Variants in CNTFR observed in about 807,000 individuals in gnomAD.
CNTFR encodes the protein ciliary neurotrophic factor receptor subunit alpha.
Under a neutral mutation model 40.4 loss-of-function variants are expected in CNTFR, and 12 were observed. The observed-to-expected ratio is 0.30, with a 90% CI of 0.19 to 0.48. CNTFR has a LOEUF of 0.48. Ranked by LOEUF, CNTFR falls within the 20% of genes least tolerant of loss-of-function variation. The probability of loss-of-function intolerance (pLI) is 0.99; values close to 1 mark genes in which losing one functional copy is unlikely to be tolerated. For missense variants in CNTFR, 414 were observed against 506.8 expected, an observed-to-expected ratio of 0.82 and a Z score of 1.76; for synonymous variants, 202 against 209.6, an observed-to-expected ratio of 0.96 and a Z score of 0.31.
intron 4 of CNTFR, 108 bp from the exon 5 acceptor site, chr9:34,558,092 A>G: frequency 1.4e-6 from 1 of 733,298 alleles, no homozygotes; most frequent in Non-Finnish European, 2.1e-6. Context: ...TCAACCCATC[A>G]TTGATGCCAA....
At chr9:34,575,987 G>GT (rs11432188) in intron 2 of CNTFR, among the ~76,000 whole-genome samples, 17,296 of 151,530 alleles carry the variant, frequency 0.11, 1,220 homozygotes, top group East Asian at 0.3. Context: ...AAACACAGGC[G>GT]TGAGTACGTG....
chr9:34,552,291 G>A lies in CNTFR; in HGVS notation c.988C>T (p.Pro330Ser). ...CCAGGGTCACAGATCTTCGTGGTAG[G>A]TGGGGGTGCCAGGGAGCTGGTGGTG... is the stretch of plus-strand genomic sequence containing the variant. ...TSTTSSLAPP[P>S]TTKICDPGEL... The change falls in exon 9 of 10, where the codon CCT becomes TCT. Residue 330 changes from proline to serine, a missense_variant. Pro to Ser is a moderately conservative substitution (Grantham distance 74, BLOSUM62 -1). Transcript: ENST00000378980. The surrounding 1 kb of genome is among the most constrained non-coding windows in gnomAD (Gnocchi z 5.1). 6.5e-7 allele frequency: 1 copy of A among 1,544,914 alleles called. No individual in the cohort carries two copies. Among genetic ancestry groups the A allele is most frequent in the Non-Finnish European group, 8.7e-7 (1 of 1,147,890 alleles).
In CNTFR at chr9:34,560,647, T is replaced by C. The variant is rs115827495; in HGVS notation, c.320-2663A>G. ...ATGAACTGAACACCGTGTGAGTGCA[T>C]GTTAAAGAGAGTGTGTGAGCAAATG... is the stretch of plus-strand genomic sequence containing the variant. On this transcript the variant is annotated intron_variant, in intron 4 of 9. Coordinates refer to ENST00000378980, the MANE Select transcript of CNTFR (RefSeq NM_147164.3). Among the ~76,000 whole-genome samples the C allele has an allele frequency of 3.0e-3, 456 of 152,322 alleles. 3 individuals carry two copies. Among genetic ancestry groups the C allele is most frequent in the African/African-American group, 0.011 (441 of 41,570 alleles).
chr9:34,573,729 C>T (rs1034274495), intron 2 of CNTFR, among the ~76,000 whole-genome samples: 12 of 152,204 alleles, frequency 7.9e-5, no homozygotes, highest in African/African-American at 2.7e-4. Context: ...GGAGCCTCAT[C>T]TCCTTCACCT....
chr9:34,582,276 C>CAAAAAAAAAAAAA (rs10601840), intron 1 of CNTFR: 8 of 126,544 alleles, frequency 6.3e-5, no homozygotes, highest in African/African-American at 2.5e-4. Context: ...AACCCTATGG[C>CAAAAAAAAAAAAA]AAAAAAAAAA....
chr9:34,552,369 G>A lies in CNTFR; in HGVS notation c.950-40C>T, dbSNP rs758780015. 38 of 1,516,704 alleles carry A rather than the reference G, an allele frequency of 2.5e-5. No individual in the cohort carries two copies. The highest frequency in any genetic ancestry group is 3.7e-5 in the South Asian group (3 of 81,478). The allele number at this position is 1,516,704 out of a possible 1,614,324, so 94.0% of individuals were successfully genotyped here. A position where few individuals can be genotyped will look rare whatever the true frequency, so the allele number is the denominator to read the frequency against. On this transcript the variant is annotated intron_variant, in intron 8 of 9. Coordinates refer to ENST00000378980, the MANE Select transcript of CNTFR (RefSeq NM_147164.3). This position sits in a 1 kb window ranked among gnomAD's most constrained non-coding sequence, Gnocchi z 5.1. ...GGAAACTCAGGGCAAGGCCAGGGCTGGGTCCCATCCAGATCTGGGGGCTCA... is the reference window on the plus strand; with the variant it reads ...GGAAACTCAGGGCAAGGCCAGGGCTAGGTCCCATCCAGATCTGGGGGCTCA...
chr9:34,564,918 G>A (rs1826220430), intron 3 of CNTFR, 86 bp from the exon 4 acceptor site: 1 of 1,157,364 alleles, frequency 8.6e-7, no homozygotes, highest in Non-Finnish European at 1.3e-6. Context: ...ACAAGAGCCT[G>A]TGAGGATGGA....
rs1341764267 is a variant in CNTFR at position 34,552,745 on chromosome 9, C to T, written c.878G>A (p.Trp293Ter). ...GGGCGTAGCGTGGGCGGCTACGCTC[C>T]AGTCACTCCATGTCCCAATCTCATT... ...KDNEIGTWSDWSVAAHATPWT... is the reference protein window; with the variant it reads ...KDNEIGTWSD Residue 293 changes from tryptophan to a stop codon, truncating the protein, a stop_gained, in exon 8 of 10, where the codon TGG becomes TAG. Transcript: ENST00000378980. LOFTEE classifies it high-confidence loss of function. The surrounding 1 kb of genome is among the most constrained non-coding windows in gnomAD (Gnocchi z 5.1). 1 of 1,613,876 alleles carries T rather than the reference C, an allele frequency of 6.2e-7. No individual in the cohort carries two copies. Among genetic ancestry groups the T allele is most frequent in the Non-Finnish European group, 8.5e-7 (1 of 1,179,952 alleles).
intron 3 of CNTFR, among the ~76,000 whole-genome samples, chr9:34,568,639 C>T (rs1344032289): frequency 6.6e-6 from 1 of 152,186 alleles, no homozygotes; most frequent in Non-Finnish European, 1.5e-5. Flanking sequence ...ACTCCCATCC[C>T]ACCTGCCTGT....
At chr9:34,574,826 C>A (rs1326030138) in intron 2 of CNTFR, among the ~76,000 whole-genome samples, 1 of 152,230 alleles carries the variant, frequency 6.6e-6, no homozygotes, top group Non-Finnish European at 1.5e-5. Context: ...TCAGCATGTG[C>A]GTGCCCTGCT....
At position 34,552,969 on chromosome 9, in the gene CNTFR, C is replaced by A; in HGVS notation, c.769-115G>T. On this transcript the variant is annotated intron_variant, in intron 7 of 9. Coordinates refer to ENST00000378980, the MANE Select transcript of CNTFR (RefSeq NM_147164.3). The surrounding 1 kb of genome is among the most constrained non-coding windows in gnomAD (Gnocchi z 5.1). ...AGAGGAGAGTAAAGGGCTCTGGGGG[C>A]AGTGAGGACTTCCCTGAGGAGAAGG... 4 of 934,476 alleles carry A rather than the reference C, an allele frequency of 4.3e-6. No homozygotes were observed. Among genetic ancestry groups the A allele is most frequent in the Non-Finnish European group, 6.5e-6 (4 of 612,294 alleles). 57.9% of individuals were successfully genotyped at this position (934,476 alleles called of 1,614,324 possible). A position where few individuals can be genotyped will look rare whatever the true frequency, so the allele number is the denominator to read the frequency against.
intron 3 of CNTFR, 50 bp from the exon 4 acceptor site, chr9:34,564,882 C>A: frequency 6.5e-7 from 1 of 1,533,874 alleles, no homozygotes; most frequent in Non-Finnish European, 8.9e-7. Flanking sequence ...CAGCCCGGCC[C>A]AGCACCCGCA....
chr9:34,555,141 C>T (rs775779896), intron 7 of CNTFR, among the ~76,000 whole-genome samples: 7 of 152,200 alleles, frequency 4.6e-5, no homozygotes, highest in African/African-American at 1.4e-4. Flanking sequence ...AGCTCGTTAG[C>T]GGGGGAGGGG....
chr9:34,577,221 G>C (rs1240765389), intron 2 of CNTFR, among the ~76,000 whole-genome samples: 2 of 152,218 alleles, frequency 1.3e-5, no homozygotes, highest in Non-Finnish European at 2.9e-5. Flanking sequence ...AGGAAAGATC[G>C]GCAATGCTGC....
At chr9:34,559,947 A>C (rs1355690542) in intron 4 of CNTFR, among the ~76,000 whole-genome samples, 1 of 148,586 alleles carries the variant, frequency 6.7e-6, no homozygotes, top group African/African-American at 2.5e-5. Context: ...CCTCCCCCTC[A>C]CGCCAGTTCC....
At position 34,556,335 on chromosome 9, in the gene CNTFR, AG is replaced by A; in HGVS notation, c.687del (p.Ser230ArgfsTer66). Reference sequence around the variant, plus strand: ...AAAGACTCAGGGTCAGGCCAGGTCGAGGGGGTCTGCCACGTCACCTCCAGCC... The same window carrying A: ...AAAGACTCAGGGTCAGGCCAGGTCGAGGGGTCTGCCACGTCACCTCCAGCC... ...PRRLEVTWQT[P>X]STWPDPESFP... is the part of the protein sequence containing the mutation. On this transcript the variant is annotated frameshift_variant, in exon 7 of 10. Transcript: ENST00000378980. LOFTEE classifies it high-confidence loss of function. The A allele has an allele frequency of 1.2e-6, 2 of 1,613,976 alleles. No homozygotes were observed. Among genetic ancestry groups the A allele is most frequent in the Non-Finnish European group, 1.7e-6 (2 of 1,179,990 alleles).
At chr9:34,581,672 C>T (rs911844107) in intron 1 of CNTFR, among the ~76,000 whole-genome samples, 1 of 152,316 alleles carries the variant, frequency 6.6e-6, no homozygotes, top group South Asian at 2.1e-4. Flanking sequence ...TATGCATTAT[C>T]TTACTTAATC....
chr9:34,571,910 T>C (rs1007181993), intron 2 of CNTFR, among the ~76,000 whole-genome samples: 2 of 151,808 alleles, frequency 1.3e-5, no homozygotes, highest in Non-Finnish European at 2.9e-5. Flanking sequence ...ATGGGGCATA[T>C]AGGAGATGGG....
chr9:34,552,109 G>A lies in CNTFR; in HGVS notation c.*-38C>T. 1 of 1,595,986 alleles carries A rather than the reference G, an allele frequency of 6.3e-7. No homozygotes were observed. Among genetic ancestry groups the A allele is most frequent in the Non-Finnish European group, 8.5e-7 (1 of 1,170,172 alleles). ...GCAGGGGCCTGTCAGGGAGGGGGCT[G>A]GAGTGGGGGTTCCCTCAGGCTCCCT... On this transcript the variant is annotated intron_variant, in intron 9 of 9. Coordinates refer to ENST00000378980, the MANE Select transcript of CNTFR (RefSeq NM_147164.3). The surrounding 1 kb of genome is among the most constrained non-coding windows in gnomAD (Gnocchi z 5.1).
Sources: allele counts gnomAD v4.1 joint callset (sites outside exome capture counted in the v4.1 genomes callset), GRCh38; gene constraint gnomAD v4.1.1; non-coding constraint Gnocchi (gnomAD v3.1); transcripts MANE v1.5; gene names NCBI Gene and HGNC (gene_info 2026-07-23, HGNC 2026-07-21).